The following COL4A2 variants were observed in gnomAD, a reference collection of about 807,000 sequenced individuals.
The protein encoded by COL4A2 is collagen alpha-2(IV) chain.
Under a neutral mutation model 200.2 loss-of-function variants are expected in COL4A2, and 99 were observed. The observed-to-expected ratio is 0.49, with a 90% CI of 0.42 to 0.58. The LOEUF (loss-of-function observed/expected upper bound fraction) is 0.58, where lower values mean the gene tolerates loss of function less well. COL4A2 is among the 20% of genes least tolerant of loss of function. COL4A2 has a pLI of 0.00. For missense variants in COL4A2, 1,950 were observed against 2,314.1 expected, an observed-to-expected ratio of 0.84 and a Z score of 3.23; for synonymous variants, 897 against 900.6, an observed-to-expected ratio of 1.00 and a Z score of 0.07.
intron 4 of COL4A2, among the ~76,000 whole-genome samples, chr13:110,365,289 G>A (rs192981957): frequency 6.6e-6 from 1 of 152,176 alleles, no homozygotes; most frequent in Admixed American, 6.5e-5. Flanking sequence ...TTACAGGCAT[G>A]CGCCACCACA....
At chr13:110,439,892 A>C in intron 16 of COL4A2, 59 bp downstream of exon 16, 1 of 1,581,172 alleles carries the variant, frequency 6.3e-7, no homozygotes, top group East Asian at 2.3e-5. Context: ...ACAGAGGTTA[A>C]ATAAATAGGC....
rs982905949 is a variant in COL4A2, at chr13:110,405,215, G to T, written c.181-19519G>T. On this transcript the variant is annotated intron_variant, in intron 4 of 47. Transcript: ENST00000360467. The stretch of plus-strand genomic sequence containing the variant: ...ATCTGGGCTACAGAGAAACGTTTTA[G>T]AAAATCCATGTAAAATCCAAATGCA... Among the ~76,000 whole-genome samples the T allele has an allele frequency of 3.3e-5, 5 of 152,328 alleles. No individual in the cohort carries two copies. The East Asian group carries it at 9.6e-4, about 29-fold the overall frequency.
At chr13:110,479,817 G>A (rs1594098743) in intron 30 of COL4A2, among the ~76,000 whole-genome samples, 3 of 152,154 alleles carry the variant, frequency 2.0e-5, no homozygotes, top group Non-Finnish European at 4.4e-5. Flanking sequence ...CAGCTGGAGG[G>A]TCCCCCGGGA....
chr13:110,355,390 G>T (rs1344706977), intron 3 of COL4A2, among the ~76,000 whole-genome samples: 8 of 127,774 alleles, frequency 6.3e-5, no homozygotes, highest in Admixed American at 2.2e-4. Flanking sequence ...TGTGTGGGGG[G>T]AGGGCTGCAC....
At chr13:110,499,093 A>G (rs1883554945) in intron 40 of COL4A2, among the ~76,000 whole-genome samples, 1 of 152,264 alleles carries the variant, frequency 6.6e-6, no homozygotes, top group African/African-American at 2.4e-5. Flanking sequence ...GATGACGTTC[A>G]CACACTGATC....
chr13:110,391,514 T>C (rs1878980024), intron 4 of COL4A2, among the ~76,000 whole-genome samples: 1 of 152,196 alleles, frequency 6.6e-6, no homozygotes, highest in South Asian at 2.1e-4. Context: ...ATGCATTCTT[T>C]GTCTGAGTCA....
At chr13:110,495,994 C>A (rs564584707) in intron 40 of COL4A2, among the ~76,000 whole-genome samples, 15 of 152,134 alleles carry the variant, frequency 9.9e-5, no homozygotes, top group Non-Finnish European at 1.9e-4. Context: ...AAGGGTGTTG[C>A]GGTCTCATTG....
rs143546039 is a variant in COL4A2, at chr13:110,440,571, G to T, written c.957+738G>T. On this transcript the variant is annotated intron_variant, in intron 16 of 47. Transcript: ENST00000360467. ...AGATCGCGCCATTGCACTCCAGCCT[G>T]GGCAACAAGAGTGAAACTCCATCAT... 1.2e-4 allele frequency among the ~76,000 whole-genome samples: 19 copies of T among 152,176 alleles called. No individual in the cohort carries two copies. In the East Asian group the frequency reaches 3.1e-3, roughly 25 times the overall value.
intron 3 of COL4A2, among the ~76,000 whole-genome samples, chr13:110,312,522 G>A (rs563583052): frequency 6.6e-6 from 1 of 152,356 alleles, no homozygotes; most frequent in East Asian, 1.9e-4. Flanking sequence ...GTGCCATGGA[G>A]ATTTAACTTT....
At chr13:110,340,580 T>G (rs569038534) in intron 3 of COL4A2, among the ~76,000 whole-genome samples, 1 of 152,210 alleles carries the variant, frequency 6.6e-6, no homozygotes, top group Non-Finnish European at 1.5e-5. Context: ...GGAGTTCCTT[T>G]GGCAGCATCT....
chr13:110,460,305 A>G (rs1393381885), intron 22 of COL4A2, among the ~76,000 whole-genome samples: 1 of 152,190 alleles, frequency 6.6e-6, no homozygotes, highest in Non-Finnish European at 1.5e-5. Context: ...TCGCTGATCC[A>G]TGCCCTAGGT....
intron 16 of COL4A2, among the ~76,000 whole-genome samples, chr13:110,444,292 G>A (rs1273279218): frequency 6.6e-6 from 1 of 152,154 alleles, no homozygotes; most frequent in African/African-American, 2.4e-5. Context: ...GATGCTCGTG[G>A]CCCAGAGTGA....
intron 29 of COL4A2, among the ~76,000 whole-genome samples, chr13:110,475,006 G>C (rs1882653172): frequency 6.9e-6 from 1 of 145,870 alleles, no homozygotes; most frequent in Non-Finnish European, 1.5e-5. Context: ...ACACATGATC[G>C]TACACTCATA....
intron 18 of COL4A2, among the ~76,000 whole-genome samples, chr13:110,447,407 G>A (rs1881369893): frequency 6.6e-6 from 1 of 152,126 alleles, no homozygotes; most frequent in South Asian, 2.1e-4. Context: ...GTTGACCTTG[G>A]AGTGTAAACG....
chr13:110,314,092 G>A (rs907762179), intron 3 of COL4A2, among the ~76,000 whole-genome samples: 2 of 152,228 alleles, frequency 1.3e-5, no homozygotes, highest in African/African-American at 2.4e-5. Context: ...TCTAGCGGAG[G>A]CTGCAGTTCA....
chr13:110,390,297 C>T (rs1396158733), intron 4 of COL4A2, among the ~76,000 whole-genome samples: 2 of 152,202 alleles, frequency 1.3e-5, no homozygotes, highest in African/African-American at 4.8e-5. Context: ...CTCTTGAGCT[C>T]GTTGGGAATT....
intron 16 of COL4A2, among the ~76,000 whole-genome samples, chr13:110,443,217 T>C (rs960161172): frequency 1.3e-5 from 2 of 152,210 alleles, no homozygotes; most frequent in African/African-American, 2.4e-5. Flanking sequence ...CAGAGGCGCC[T>C]CTTTCAAGAG....
chr13:110,464,209 G>A (rs1882142596), intron 24 of COL4A2, among the ~76,000 whole-genome samples: 3 of 152,180 alleles, frequency 2.0e-5, no homozygotes, highest in Non-Finnish European at 2.9e-5. Flanking sequence ...CCACCCCTGC[G>A]GCTCCCAAGC....
intron 3 of COL4A2, among the ~76,000 whole-genome samples, chr13:110,348,813 C>T (rs1043048057): frequency 6.6e-6 from 1 of 152,180 alleles, no homozygotes; most frequent in Non-Finnish European, 1.5e-5. Flanking sequence ...ACAATCCAAT[C>T]GTCAGCTATC....
Sources: allele counts gnomAD v4.1 joint callset (sites outside exome capture counted in the v4.1 genomes callset), GRCh38; gene constraint gnomAD v4.1.1; transcripts MANE v1.5; gene names NCBI Gene and HGNC (gene_info 2026-07-23, HGNC 2026-07-21).